HIGD2B: variants seen among roughly 807,000 people sequenced by gnomAD.
HIGD2B encodes HIG1 domain family member 2B.
For synonymous variants in HIGD2B, 45 were observed against 28.1 expected, an observed-to-expected ratio of 1.60 and a Z score of -1.90; for missense variants, 106 against 67.0, an observed-to-expected ratio of 1.58 and a Z score of -2.03.
intron 2 of HIGD2B, among the ~76,000 whole-genome samples, chr15:72,679,319 T>C (rs1273432193): frequency 1.4e-5 from 2 of 144,964 alleles, no homozygotes; most frequent in Non-Finnish European, 1.5e-5. Flanking sequence ...GAGCTGAGAT[T>C]CTGCCATTGC....
Position 72,675,948 on chromosome 15 carries a change from G to T in HIGD2B, c.*106C>A. On this transcript the variant is annotated 3_prime_UTR_variant, in exon 3 of 3. Transcript: ENST00000311755. ...AGGAAGGGTCACTTCCTCCCCCAAC[G>T]ACACAGGGACCTCTCAAAGGAGAGG... 1.7e-6 allele frequency: 1 copy of T among 602,472 alleles called. No homozygotes were observed. Among genetic ancestry groups the T allele is most frequent in the South Asian group, 2.0e-5 (1 of 50,334 alleles). 37.3% of individuals were successfully genotyped at this position (602,472 alleles called of 1,614,324 possible). A position where few individuals can be genotyped will look rare whatever the true frequency, so the allele number is the denominator to read the frequency against.
chr15:72,684,394 C>T (rs1447610334), intron 1 of HIGD2B, among the ~76,000 whole-genome samples: 1 of 150,742 alleles, frequency 6.6e-6, no homozygotes, highest in Admixed American at 6.6e-5. Flanking sequence ...CCTTATGTTC[C>T]CTACCTCCAG....
intron 1 of HIGD2B, among the ~76,000 whole-genome samples, chr15:72,683,420 T>C (rs796502162): frequency 1.4e-4 from 20 of 145,510 alleles, no homozygotes; most frequent in African/African-American, 5.0e-4. Flanking sequence ...GGGCAGAAGA[T>C]ATTAGCTTCA....
chr15:72,680,749 G>A (rs756598579), intron 1 of HIGD2B, among the ~76,000 whole-genome samples: 3 of 152,180 alleles, frequency 2.0e-5, no homozygotes, highest in Non-Finnish European at 4.4e-5. Context: ...TTAGCTGGCC[G>A]TGGTGGCAGA....
At position 72,679,702 on chromosome 15, in the gene HIGD2B, G is replaced by A. The variant is rs558747554; in HGVS notation, c.-14+313C>T. ...CGCTCACACTGAGAACAGGAATAGG[G>A]AGTAGCCTATTTTGAGCCTACCTTT... On this transcript the variant is annotated intron_variant, in intron 2 of 2. Transcript: ENST00000311755. Among the ~76,000 whole-genome samples the A allele has an allele frequency of 5.3e-5, 8 of 152,050 alleles. No individual in the cohort carries two copies. The South Asian group carries it at 1.7e-3, about 32-fold the overall frequency.
chr15:72,676,132 G>T lies in HIGD2B; in HGVS notation c.243C>A (p.Thr81=). ...TGGTGAAGCCCTGGGCGGCGATCTG[G>T]GTGTGCATCATAAGCCGTGAACATT... is the stretch of plus-strand genomic sequence containing the variant. The part of the protein sequence containing the change: ...NSQCSRLMMH[T]QIAAQGFTIA... Residue 81 remains threonine, a synonymous_variant, in exon 3 of 3, where the codon ACC becomes ACA. Coordinates refer to ENST00000311755, the MANE Select transcript of HIGD2B (RefSeq NM_001350932.3). The T allele has an allele frequency of 1.3e-6, 1 of 765,598 alleles. No homozygotes were observed. The highest frequency in any genetic ancestry group is 2.4e-5 in the East Asian group (1 of 41,100). 47.4% of individuals were successfully genotyped at this position (765,598 alleles called of 1,614,324 possible).
At chr15:72,685,406 A>G (rs1244227666) in intron 1 of HIGD2B, among the ~76,000 whole-genome samples, 2 of 152,206 alleles carry the variant, frequency 1.3e-5, no homozygotes, top group East Asian at 3.9e-4. Flanking sequence ...TGAGGCTCAA[A>G]GAAACGACGG....
chr15:72,679,166 G>A (rs1290920186), intron 2 of HIGD2B, among the ~76,000 whole-genome samples: 1 of 151,732 alleles, frequency 6.6e-6, no homozygotes, highest in Non-Finnish European at 1.5e-5. Flanking sequence ...GAGTTTGAGA[G>A]CAGCCTCGTT....
chr15:72,681,511 G>A (rs2150978015), intron 1 of HIGD2B, among the ~76,000 whole-genome samples: 1 of 151,784 alleles, frequency 6.6e-6, no homozygotes, highest in South Asian at 2.1e-4. Flanking sequence ...GAACATATAA[G>A]CTAAATAAAT....
At position 72,676,210 on chromosome 15, in the gene HIGD2B, G is replaced by A; in HGVS notation, c.165C>T (p.Cys55=). 1.3e-6 allele frequency: 1 copy of A among 765,506 alleles called. No homozygotes were observed. The highest frequency in any genetic ancestry group is 2.4e-6 in the Non-Finnish European group (1 of 417,066). The allele number at this position is 765,506 out of a possible 1,614,324, so 47.4% of individuals were successfully genotyped here. The stretch of plus-strand genomic sequence containing the variant: ...GGCCGTTGGTGAGGACGGCCGCCGT[G>A]CACAGGAAACCTATGGGTACCACCG... ...ENPVVPIGFL[C]TAAVLTNGLY... Residue 55 remains cysteine, a synonymous_variant, in exon 3 of 3, where the codon TGC becomes TGT. Coordinates refer to ENST00000311755, the MANE Select transcript of HIGD2B (RefSeq NM_001350932.3).
chr15:72,677,770 T>A (rs368588167), intron 2 of HIGD2B, among the ~76,000 whole-genome samples: 4 of 150,246 alleles, frequency 2.7e-5, no homozygotes, highest in African/African-American at 4.9e-5. Context: ...CTCTAAAAAT[T>A]AAAAAAAAAT....
At chr15:72,677,699 G>A (rs2064707320) in intron 2 of HIGD2B, among the ~76,000 whole-genome samples, 1 of 151,714 alleles carries the variant, frequency 6.6e-6, no homozygotes, top group Non-Finnish European at 1.5e-5. Context: ...AGAAGTTGAG[G>A]CTGCAGTGAG....
chr15:72,678,893 A>G (rs2150975666), intron 2 of HIGD2B, among the ~76,000 whole-genome samples: 1 of 152,100 alleles, frequency 6.6e-6, no homozygotes, highest in Admixed American at 6.6e-5. Context: ...GCTACTCAGG[A>G]GTCTGAGGTA....
chr15:72,680,745 G>A (rs1223438686), intron 1 of HIGD2B, among the ~76,000 whole-genome samples: 1 of 152,160 alleles, frequency 6.6e-6, no homozygotes, highest in Non-Finnish European at 1.5e-5. Context: ...AAAATTAGCT[G>A]GCCGTGGTGG....
chr15:72,676,861 G>T (rs1421734587), intron 2 of HIGD2B, among the ~76,000 whole-genome samples: 1 of 152,160 alleles, frequency 6.6e-6, no homozygotes, highest in Non-Finnish European at 1.5e-5. Flanking sequence ...TGACAGGGAG[G>T]CTTATGGTGA....
At chr15:72,678,911 C>T (rs750650839) in intron 2 of HIGD2B, among the ~76,000 whole-genome samples, 4 of 151,624 alleles carry the variant, frequency 2.6e-5, no homozygotes, top group Non-Finnish European at 4.4e-5. Flanking sequence ...GTAGGAGGAT[C>T]GTTTGAGCCT....
At position 72,675,834 on chromosome 15, in the gene HIGD2B, G is replaced by A; in HGVS notation, c.*220C>T. Reference sequence around the variant, plus strand: ...TTTTTAGAGTTTATTAAGCAGGGGAGTGGAGGGAAGATGTGGCACAAATAG... The same window carrying A: ...TTTTTAGAGTTTATTAAGCAGGGGAATGGAGGGAAGATGTGGCACAAATAG... On this transcript the variant is annotated 3_prime_UTR_variant, in exon 3 of 3. Transcript: ENST00000311755. 1 of 542,126 alleles carries A rather than the reference G, an allele frequency of 1.8e-6. No individual in the cohort carries two copies. The highest frequency in any genetic ancestry group is 3.3e-6 in the Non-Finnish European group (1 of 306,090). 33.6% of individuals were successfully genotyped at this position (542,126 alleles called of 1,614,324 possible).
intron 1 of HIGD2B, chr15:72,683,053 C>G (rs564261517): frequency 5.9e-5 from 11 of 188,010 alleles, no homozygotes; most frequent in Non-Finnish European, 1.1e-4. Context: ...AAAAAGGAGA[C>G]GTAATGGCTT....
Position 72,676,006 on chromosome 15 carries a change from G to C in HIGD2B, c.*48C>G. Reference sequence around the variant, plus strand: ...AAGTCCCATGGTAGGGCCAGTGGTTGCTCCTGGGTTTTGGAATGATTTCTG... The same window carrying C: ...AAGTCCCATGGTAGGGCCAGTGGTTCCTCCTGGGTTTTGGAATGATTTCTG... On this transcript the variant is annotated 3_prime_UTR_variant, in exon 3 of 3. Transcript: ENST00000311755. 1.5e-6 allele frequency: 1 copy of C among 681,538 alleles called. No homozygotes were observed. Among genetic ancestry groups the C allele is most frequent in the Non-Finnish European group, 2.7e-6 (1 of 372,294 alleles). The allele number at this position is 681,538 out of a possible 1,614,324, so 42.2% of individuals were successfully genotyped here.
Sources: gnomAD v4.1 joint callset for allele counts (sites outside exome capture counted in the v4.1 genomes callset) on GRCh38, gnomAD v4.1.1 for gene constraint, MANE v1.5 for transcripts, NCBI Gene and HGNC (gene_info 2026-07-23, HGNC 2026-07-21) for gene names.